The following DGKI variants were observed in gnomAD, a reference collection of about 807,000 sequenced individuals.
DGKI encodes diacylglycerol kinase iota.
In DGKI, 55 loss-of-function variants were observed where a neutral mutation model predicts 147.5. The observed-to-expected ratio is 0.37, with a 90% confidence interval of 0.30 to 0.47. The LOEUF (loss-of-function observed/expected upper bound fraction) is 0.47. Ranked by LOEUF, DGKI falls within the 20% of genes least tolerant of loss-of-function variation. The probability of loss-of-function intolerance (pLI) is 1.00; values close to 1 mark genes in which losing one functional copy is unlikely to be tolerated. For synonymous variants in DGKI, 469 were observed against 477.1 expected (o/e 0.98, Z 0.22); for missense variants, 1,007 against 1,323.8 (o/e 0.76, Z 3.71).
chr7:137,613,648 G>T (rs2128994455), intron 8 of DGKI, among the ~76,000 whole-genome samples: 1 of 152,194 alleles, frequency 6.6e-6, no homozygotes, highest in East Asian at 1.9e-4. Flanking sequence ...GGGCTATGAA[G>T]AAATGAATGC....
intron 1 of DGKI, among the ~76,000 whole-genome samples, chr7:137,820,934 G>A (rs1264769809): frequency 6.6e-6 from 1 of 152,120 alleles, no homozygotes; most frequent in Non-Finnish European, 1.5e-5. Context: ...AAATGTCAGA[G>A]CAACCCTCCC....
chr7:137,786,790 G>A (rs1236664104), intron 1 of DGKI, among the ~76,000 whole-genome samples: 1 of 152,046 alleles, frequency 6.6e-6, no homozygotes, highest in South Asian at 2.1e-4. Flanking sequence ...TAGACCAGTG[G>A]AGCAGAATAG....
Position 137,698,857 on chromosome 7 carries a change from A to G in DGKI, c.402-8855T>C, listed in dbSNP as rs181922206. On this transcript the variant is annotated intron_variant, in intron 1 of 32. Coordinates refer to ENST00000614521, the MANE Select transcript of DGKI (RefSeq NM_001321708.2). ...GGCTCCAAAGGCTCTCTCACTCTGT[A>G]TTCGCTCTGAAAGGAAGGGAGAGAG... Among the ~76,000 whole-genome samples the G allele has an allele frequency of 8.8e-4, 134 of 152,302 alleles. No individual in the cohort carries two copies. The East Asian group carries it at 0.023, about 27-fold the overall frequency.
rs1351774526 is a variant in DGKI at position 137,388,098 on chromosome 7, G to C, written c.*3122C>G. The C allele has an allele frequency of 6.6e-6, 1 of 152,146 alleles. No individual in the cohort carries two copies. The highest frequency in any genetic ancestry group is 2.4e-5 in the African/African-American group (1 of 41,436). The allele number at this position is 152,146 out of a possible 1,614,324, so 9.4% of individuals were successfully genotyped here. A position where few individuals can be genotyped will look rare whatever the true frequency, so the allele number is the denominator to read the frequency against. On this transcript the variant is annotated 3_prime_UTR_variant, in exon 33 of 33. Transcript: ENST00000614521. ...TAAATTATGTTTCAAAACTTGCACT[G>C]GTTTTTGGTTATCACATCTACAGAG...
chr7:137,664,220 T>C (rs1312950938), intron 3 of DGKI, among the ~76,000 whole-genome samples: 1 of 150,938 alleles, frequency 6.6e-6, no homozygotes, highest in African/African-American at 2.4e-5. Context: ...CTACTAAAAA[T>C]ACAAAAAATT....
rs553090975 is a variant in DGKI, at chr7:137,596,200, G to A, written c.1311+1647C>T. Reference sequence around the variant, plus strand: ...CATAGCTTATGTGGATTTGAGTTAAGAAAGAGGAAGGACGACATCCTCAAC... The same window carrying A: ...CATAGCTTATGTGGATTTGAGTTAAAAAAGAGGAAGGACGACATCCTCAAC... On this transcript the variant is annotated intron_variant, in intron 12 of 32. Transcript: ENST00000614521. Among the ~76,000 whole-genome samples, 8 of 152,004 alleles carry A rather than the reference G, an allele frequency of 5.3e-5. 1 individual carries two copies. The highest frequency in any genetic ancestry group is 1.9e-4 in the African/African-American group (8 of 41,460).
chr7:137,830,244 T>G (rs1798179074), intron 1 of DGKI, among the ~76,000 whole-genome samples: 1 of 152,224 alleles, frequency 6.6e-6, no homozygotes, highest in African/African-American at 2.4e-5. Context: ...TACTAATCCC[T>G]ATCCACAACC....
chr7:137,691,017 G>C (rs1010405360), intron 1 of DGKI, among the ~76,000 whole-genome samples: 21 of 152,114 alleles, frequency 1.4e-4, no homozygotes, highest in Admixed American at 5.2e-4. Context: ...AAGGGAGAGG[G>C]GCTTTTCCCC....
Position 137,846,341 on chromosome 7 carries a change from G to C in DGKI, c.401+121C>G, listed in dbSNP as rs566507052. The C allele has an allele frequency of 5.2e-4, 292 of 564,608 alleles. 4 individuals are homozygous for C. In the East Asian group the frequency reaches 0.013, roughly 25 times the overall value. 35.0% of individuals were successfully genotyped at this position (564,608 alleles called of 1,614,324 possible). The stretch of plus-strand genomic sequence containing the variant: ...CATCCCCGGGAGGAGAGGGGGAAAG[G>C]GGGAAGGAGAGGCGTGGAAACAGAG... On this transcript the variant is annotated intron_variant, in intron 1 of 32. Coordinates refer to ENST00000614521, the MANE Select transcript of DGKI (RefSeq NM_001321708.2). This position sits in a 1 kb window ranked among gnomAD's most constrained non-coding sequence, Gnocchi z 4.0.
intron 28 of DGKI, among the ~76,000 whole-genome samples, chr7:137,438,622 T>C (rs1378676328): frequency 6.6e-6 from 1 of 152,102 alleles, no homozygotes; most frequent in Non-Finnish European, 1.5e-5. Context: ...AAAGAGAATG[T>C]TCATAGTAAT....
chr7:137,683,793 T>A (rs764626544), intron 2 of DGKI, among the ~76,000 whole-genome samples: 1 of 152,256 alleles, frequency 6.6e-6, no homozygotes, highest in African/African-American at 2.4e-5. Context: ...TATAGCTATA[T>A]ATATATTTAC....
Position 137,494,664 on chromosome 7 carries a change from T to C in DGKI, c.2249-6975A>G, listed in dbSNP as rs180959588. Among the ~76,000 whole-genome samples the C allele has an allele frequency of 7.7e-4, 117 of 152,234 alleles. 3 individuals carry two copies. The East Asian group carries it at 0.019, about 25-fold the overall frequency. On this transcript the variant is annotated intron_variant, in intron 21 of 32. Coordinates refer to ENST00000614521, the MANE Select transcript of DGKI (RefSeq NM_001321708.2). ...ACCAGACCCGCCTTATAAGAGGTCC[T>C]GAAGGGAGTGCTAAATATGGAAAGG...
intron 1 of DGKI, among the ~76,000 whole-genome samples, chr7:137,798,381 T>C (rs1797097965): frequency 6.6e-6 from 1 of 151,978 alleles, no homozygotes; most frequent in African/African-American, 2.4e-5. Flanking sequence ...AACCAAAGCA[T>C]CGCAAAAAAG....
intron 2 of DGKI, among the ~76,000 whole-genome samples, chr7:137,681,139 G>C (rs1473963505): frequency 1.3e-5 from 2 of 152,178 alleles, no homozygotes; most frequent in Admixed American, 6.5e-5. Context: ...ATCTCCCAGT[G>C]CCTCAAAACC....
chr7:137,472,392 T>TAA lies in DGKI; in HGVS notation c.2374-2774_2374-2773insTT, dbSNP rs61018353. Among the ~76,000 whole-genome samples, 48 of 12,858 alleles carry TAA rather than the reference T, an allele frequency of 3.7e-3. 3 individuals are homozygous for TAA. The highest frequency in any genetic ancestry group is 4.2e-3 in the African/African-American group (33 of 7,820). The allele number at this position is 12,858 out of a possible 152,430, so 8.4% of individuals were successfully genotyped here. ...TAATTATTATATGTATATATACATA[T>TAA]TATAATTATTATATGTATATATACA... On this transcript the variant is annotated intron_variant, in intron 23 of 32. Transcript: ENST00000614521.
chr7:137,782,081 A>G (rs1393924335), intron 1 of DGKI, among the ~76,000 whole-genome samples: 1 of 152,186 alleles, frequency 6.6e-6, no homozygotes, highest in Non-Finnish European at 1.5e-5. Flanking sequence ...AGAAAAGCTG[A>G]GAAAATCCAC....
intron 1 of DGKI, among the ~76,000 whole-genome samples, chr7:137,711,715 G>T (rs559579529): frequency 1.5e-4 from 12 of 77,836 alleles, no homozygotes; most frequent in Admixed American, 6.1e-4. Flanking sequence ...TTTTTTTTAA[G>T]ACGGAGTCTC....
chr7:137,422,825 C>T (rs907457835), intron 28 of DGKI, among the ~76,000 whole-genome samples: 3 of 151,864 alleles, frequency 2.0e-5, no homozygotes, highest in Admixed American at 1.3e-4. Context: ...AGGATGGTCT[C>T]GATCTCCTGA....
intron 28 of DGKI, among the ~76,000 whole-genome samples, chr7:137,434,320 C>T (rs1461814758): frequency 1.3e-5 from 2 of 152,142 alleles, no homozygotes; most frequent in African/African-American, 4.8e-5. Context: ...TGGCTCATGC[C>T]TGTAATCCCA....
Sources: allele counts gnomAD v4.1 joint callset (sites outside exome capture counted in the v4.1 genomes callset), GRCh38; gene constraint gnomAD v4.1.1; non-coding constraint Gnocchi (gnomAD v3.1); transcripts MANE v1.5; gene names NCBI Gene and HGNC (gene_info 2026-07-23, HGNC 2026-07-21).